The following ADAR variants were observed in gnomAD, a reference collection of about 807,000 sequenced individuals.
ADAR encodes adenosine deaminase RNA specific.
ADAR carries 41 observed loss-of-function variants against 113.2 expected under a neutral mutation model. The ratio of observed to expected loss-of-function variants is 0.36; its 90% CI spans 0.28 to 0.47. The LOEUF (loss-of-function observed/expected upper bound fraction) is 0.47, where lower values mean the gene tolerates loss of function less well. ADAR is among the 20% of genes least tolerant of loss of function. The pLI, the probability that ADAR is intolerant of heterozygous loss-of-function variation, is 1.00. For missense variants in ADAR, 1,242 were observed against 1,540.9 expected, an observed-to-expected ratio of 0.81 and a Z score of 3.25; for synonymous variants, 605 against 572.6, an observed-to-expected ratio of 1.06 and a Z score of -0.81.
At chr1:154,605,920 T>C (rs2101658737) in intron 1 of ADAR, 3 of 904,772 alleles carry the variant, frequency 3.3e-6, no homozygotes, top group Admixed American at 1.2e-4. Flanking sequence ...ACTGCTACTC[T>C]TGGCCCAAAT....
At position 154,588,677 on chromosome 1, in the gene ADAR, C is replaced by A; in HGVS notation, c.2763-4G>T. Reference sequence around the variant, plus strand: ...CATTAACTCACTGTAGAGAAACCTACAAAAAGAAAGTCTGGTTAGGAAGGC... The same window carrying A: ...CATTAACTCACTGTAGAGAAACCTAAAAAAAGAAAGTCTGGTTAGGAAGGC... On this transcript the variant is annotated splice_polypyrimidine_tract_variant and splice_region_variant and intron_variant, in intron 9 of 14. Transcript: ENST00000368474. 1 of 1,614,092 alleles carries A rather than the reference C, an allele frequency of 6.2e-7. No homozygotes were observed. The highest frequency in any genetic ancestry group is 8.5e-7 in the Non-Finnish European group (1 of 1,180,006).
chr1:154,623,820 T>C (rs1571153123), intron 1 of ADAR, among the ~76,000 whole-genome samples: 1 of 151,808 alleles, frequency 6.6e-6, no homozygotes, highest in Non-Finnish European at 1.5e-5. Flanking sequence ...CTGGCCAACA[T>C]AGTGAAACCC....
rs148307745 is a variant in ADAR, at chr1:154,590,311, C to T, written c.2369G>A (p.Arg790His). ...GKQEAADAAL[R>H]VLIGENEKAE... Reference sequence around the variant, plus strand: ...CTTCTCGTTCTCCCCAATCAAGACACGGAGAGCCGCATCTGCTGCTTCCTG... The same window carrying T: ...CTTCTCGTTCTCCCCAATCAAGACATGGAGAGCCGCATCTGCTGCTTCCTG... Residue 790 changes from arginine to histidine, a missense_variant, in exon 7 of 15, where the codon CGT becomes CAT. By Grantham distance (29) the Arg-to-His change is conservative (BLOSUM62 0). Transcript: ENST00000368474. 7.4e-6 allele frequency: 12 copies of T among 1,614,118 alleles called. No homozygotes were observed. Among genetic ancestry groups the T allele is most frequent in the Admixed American group, 1.7e-5 (1 of 60,020 alleles).
rs575538000 is a variant in ADAR, at chr1:154,589,655, C to T, written c.2668+102G>A. On this transcript the variant is annotated intron_variant, in intron 8 of 14. Transcript: ENST00000368474. ...ATTGACTGTAGCTAAAATGAAGTCT[C>T]TTCTCCCTGCCTTGGACTTACATGC... 3.8e-4 allele frequency: 558 copies of T among 1,463,122 alleles called. 3 individuals are homozygous for T. In the African/African-American group the frequency reaches 7.1e-3, roughly 19 times the overall value. The allele number at this position is 1,463,122 out of a possible 1,614,324, so 90.6% of individuals were successfully genotyped here.
In ADAR at chr1:154,585,779, G is replaced by A. The variant is rs200537032; in HGVS notation, c.3289C>T (p.His1097Tyr). The change falls in exon 13 of 15, where the codon CAT (histidine) becomes TAT (tyrosine). Residue 1097 changes from histidine (H) to tyrosine (Y), a missense_variant. His to Tyr is a moderately conservative substitution (Grantham distance 83). Coordinates refer to ENST00000368474, the MANE Select transcript of ADAR (RefSeq NM_001111.5). ...DGSAFEDGLR[H>Y]PFIVNHPKVG... is the part of the protein sequence containing the mutation. ...TTGGGGTGGTTGACAATAAAGGGAT[G>A]TCGTAGTCCATCCTCAAATGCACTC... 4.3e-6 allele frequency: 7 copies of A among 1,613,826 alleles called. No individual in the cohort carries two copies. The highest frequency in any genetic ancestry group is 1.1e-5 in the South Asian group (1 of 91,082).
intron 6 of ADAR, among the ~76,000 whole-genome samples, chr1:154,592,314 T>C (rs980607076): frequency 1.3e-5 from 2 of 152,218 alleles, no homozygotes; most frequent in African/African-American, 4.8e-5. Flanking sequence ...TGTGCTATAA[T>C]TGATTCTCGC....
chr1:154,594,384 T>C (rs563615020), intron 6 of ADAR, among the ~76,000 whole-genome samples: 49 of 152,288 alleles, frequency 3.2e-4, no homozygotes, highest in African/African-American at 1.1e-3. Context: ...AAGAAAATAT[T>C]CTAGACATAT....
At chr1:154,604,532 T>G (rs3766923) in intron 1 of ADAR, among the ~76,000 whole-genome samples, 95,217 of 152,084 alleles carry the variant, frequency 0.63, 30,893 homozygotes, top group South Asian at 0.77. Flanking sequence ...TTGAACCTCA[T>G]TTGGGTCTTC....
rs367861888 is a variant in ADAR at position 154,589,719 on chromosome 1, G to A, written c.2668+38C>T. On this transcript the variant is annotated intron_variant, in intron 8 of 14. Transcript: ENST00000368474. ...GAGGATGAGAGGCACCCGCTTTCAG[G>A]CGCCATGGGAGGCGGCATGTCTCAG... is the stretch of plus-strand genomic sequence containing the variant. 55 of 1,613,726 alleles carry A rather than the reference G, an allele frequency of 3.4e-5. No homozygotes were observed. In the African/African-American group the frequency reaches 6.3e-4, roughly 18 times the overall value.
At position 154,597,206 on chromosome 1, in the gene ADAR, T is replaced by C; in HGVS notation, c.1996A>G (p.Lys666Glu). The C allele has an allele frequency of 6.2e-7, 1 of 1,614,172 alleles. No individual in the cohort carries two copies. The highest frequency in any genetic ancestry group is 8.5e-7 in the Non-Finnish European group (1 of 1,180,022). ...TFPSVSAPSK[K>E]VAKQMAAEEA... ...TCTGCGGCCATCTGCTTTGCCACTTTCTTGCTGGGAGCACTCACACTGGGG... is the reference window on the plus strand; with the variant it reads ...TCTGCGGCCATCTGCTTTGCCACTTCCTTGCTGGGAGCACTCACACTGGGG... The change falls in exon 5 of 15, where the codon AAA (lysine) becomes GAA (glutamate). Residue 666 changes from lysine to glutamate, a missense_variant. Lys to Glu is a moderately conservative substitution (Grantham distance 56). This residue lies in a region of ADAR where 780 missense variants were observed against 1,057.9 expected (regional missense o/e 0.74). Transcript: ENST00000368474.
chr1:154,594,178 G>A lies in ADAR; in HGVS notation c.2270+2627C>T, dbSNP rs79567294. On this transcript the variant is annotated intron_variant, in intron 6 of 14. Transcript: ENST00000368474. ...ATTATAGGCGTAAGCCACTGCGCCCGGCTGACATTACTTCTATTAAGGAGA... is the reference window on the plus strand; with the variant it reads ...ATTATAGGCGTAAGCCACTGCGCCCAGCTGACATTACTTCTATTAAGGAGA... 1.3e-3 allele frequency among the ~76,000 whole-genome samples: 198 copies of A among 152,270 alleles called. 3 individuals carry two copies. The East Asian group carries it at 0.028, about 21-fold the overall frequency.
At position 154,589,787 on chromosome 1, in the gene ADAR, C is replaced by T; in HGVS notation, c.2638G>A (p.Asp880Asn). Reference sequence around the variant, plus strand: ...CCCAAGCTGACGACGACACCCATGTCCTCAGAGTCTTTTTTCATAATGATG... The same window carrying T: ...CCCAAGCTGACGACGACACCCATGTTCTCAGAGTCTTTTTTCATAATGATG... ...AAIIMKKDSE[D>N]MGVVVSLGTG... is the part of the protein sequence containing the mutation. Residue 880 changes from aspartate to asparagine, a missense_variant, in exon 8 of 15, where the codon GAC becomes AAC. Around this residue, in one of 2 missense-constraint regions of ADAR, gnomAD observed 780 missense variants for 1,057.9 expected, o/e 0.74. Transcript: ENST00000368474. The T allele has an allele frequency of 6.2e-7, 1 of 1,614,100 alleles. No homozygotes were observed. The highest frequency in any genetic ancestry group is 8.5e-7 in the Non-Finnish European group (1 of 1,180,028).
intron 1 of ADAR, among the ~76,000 whole-genome samples, chr1:154,619,025 G>A (rs1214001604): frequency 6.6e-6 from 1 of 152,202 alleles, no homozygotes; most frequent in East Asian, 1.9e-4. Context: ...CAGGAGGATC[G>A]CTTGAACCTG....
chr1:154,593,545 AAG>A (rs1697305169), intron 6 of ADAR, among the ~76,000 whole-genome samples: 1 of 152,212 alleles, frequency 6.6e-6, no homozygotes, highest in Non-Finnish European at 1.5e-5. Flanking sequence ...GATTTCACAG[AAG>A]AGAAAGAGGA....
In ADAR at chr1:154,602,124, T is replaced by C. The variant is rs201331183; in HGVS notation, c.518A>G (p.Asn173Ser). Residue 173 changes from asparagine to serine, a missense_variant, in exon 2 of 15, where the codon AAT (asparagine) becomes AGT (serine). This residue lies in a region of ADAR where 462 missense variants were observed against 483.1 expected (regional missense o/e 0.96). Transcript: ENST00000368474. Reference sequence around the variant, plus strand: ...CTTTGCCAGGGAGTATAAAACTCGATTGATTTCTTTCTTCGGAGTCCCAAG... The same window carrying C: ...CTTTGCCAGGGAGTATAAAACTCGACTGATTTCTTTCTTCGGAGTCCCAAG... Reference protein sequence around the residue: ...GKLGTPKKEINRVLYSLAKKG... With the variant: ...GKLGTPKKEISRVLYSLAKKG... 330 of 1,614,220 alleles carry C rather than the reference T, an allele frequency of 2.0e-4. 1 individual carries two copies. The highest frequency in any genetic ancestry group is 4.9e-4 in the Middle Eastern group (3 of 6,062).
intron 6 of ADAR, among the ~76,000 whole-genome samples, chr1:154,593,628 G>A (rs1169515592): frequency 6.6e-6 from 1 of 152,210 alleles, no homozygotes; most frequent in Non-Finnish European, 1.5e-5. Context: ...TGAAGGATAT[G>A]AATTAGTAGA....
chr1:154,612,318 G>GTTTTTTTTTTTTTTT (rs55714254), upstream of ADAR, among the ~76,000 whole-genome samples: 1 of 69,200 alleles, frequency 1.4e-5, no homozygotes, highest in African/African-American at 6.1e-5. Flanking sequence ...AAATTACTCA[G>GTTTTTTTTTTTTTTT]TTTTTTTTTT....
At chr1:154,587,270 TC>T (rs1343021545) in intron 11 of ADAR, among the ~76,000 whole-genome samples, 3 of 152,240 alleles carry the variant, frequency 2.0e-5, no homozygotes, top group Non-Finnish European at 4.4e-5. Context: ...CTGGCTTTTT[TC>T]ATTTGGCATC....
chr1:154,618,331 G>A (rs908937581), intron 1 of ADAR, among the ~76,000 whole-genome samples: 1 of 151,986 alleles, frequency 6.6e-6, no homozygotes, highest in Non-Finnish European at 1.5e-5. Flanking sequence ...CAAATGTGAT[G>A]GCAGAATACT....
Sources: gnomAD v4.1 joint callset for allele counts (sites outside exome capture counted in the v4.1 genomes callset) on GRCh38, gnomAD v4.1.1 for gene constraint, gnomAD v4.1.1 regional missense constraint, MANE v1.5 for transcripts, NCBI Gene and HGNC (gene_info 2026-07-23, HGNC 2026-07-21) for gene names.